Variants in SLC2A12 observed in about 807,000 individuals in gnomAD.
SLC2A12 encodes the protein solute carrier family 2, facilitated glucose transporter member 12.
Under a neutral mutation model 41.8 loss-of-function variants are expected in SLC2A12, and 23 were observed. The observed-to-expected ratio is 0.55, with a 90% CI of 0.40 to 0.78. The LOEUF (loss-of-function observed/expected upper bound fraction) is 0.78, where lower values mean the gene tolerates loss of function less well. Ranked by LOEUF, SLC2A12 falls within the 30% of genes least tolerant of loss-of-function variation. SLC2A12 has a pLI of 0.00. For missense variants in SLC2A12, 654 were observed against 745.6 expected (o/e 0.88, Z 1.43); for synonymous variants, 295 against 285.9 (o/e 1.03, Z -0.32).
chr6:134,010,236 A>C (rs946272635), intron 2 of SLC2A12, among the ~76,000 whole-genome samples: 1 of 152,124 alleles, frequency 6.6e-6, no homozygotes, highest in Admixed American at 6.5e-5. Flanking sequence ...AGATGGCCCA[A>C]TTTCTCCCCA....
At position 133,988,511 on chromosome 6, in the gene SLC2A12, C is replaced by T. The variant is rs995136781; in HGVS notation, c.*2644G>A. 1 of 152,152 alleles carries T rather than the reference C, an allele frequency of 6.6e-6. No individual in the cohort carries two copies. Among genetic ancestry groups the T allele is most frequent in the Non-Finnish European group, 1.5e-5 (1 of 68,016 alleles). 9.4% of individuals were successfully genotyped at this position (152,152 alleles called of 1,614,324 possible). On this transcript the variant is annotated 3_prime_UTR_variant, in exon 5 of 5. Transcript: ENST00000275230. ...ACCTTTGTGGAAAAATTGCAACATCCTAATCTCCATATATAGTACATTTTC... is the reference window on the plus strand; with the variant it reads ...ACCTTTGTGGAAAAATTGCAACATCTTAATCTCCATATATAGTACATTTTC...
intron 1 of SLC2A12, among the ~76,000 whole-genome samples, chr6:134,043,187 A>AGAAT (rs1354363366): frequency 6.6e-6 from 1 of 152,154 alleles, no homozygotes; most frequent in African/African-American, 2.4e-5. Flanking sequence ...CTGTCATCTA[A>AGAAT]GAATGGATTG....
In SLC2A12 at chr6:133,989,899, T is replaced by C. The variant is rs546134155; in HGVS notation, c.*1256A>G. 11 of 152,348 alleles carry C rather than the reference T, an allele frequency of 7.2e-5. No homozygotes were observed. Among genetic ancestry groups the C allele is most frequent in the Admixed American group, 4.6e-4 (7 of 15,304 alleles). The allele number at this position is 152,348 out of a possible 1,614,324, so 9.4% of individuals were successfully genotyped here. A position where few individuals can be genotyped will look rare whatever the true frequency, so the allele number is the denominator to read the frequency against. On this transcript the variant is annotated 3_prime_UTR_variant, in exon 5 of 5. Coordinates refer to ENST00000275230, the MANE Select transcript of SLC2A12 (RefSeq NM_145176.3). ...TTTTAAAATTCTTTTTCAAGTTAGG[T>C]TGTTCGTGCTTTTAAGTTTTTTGTG...
chr6:134,036,019 T>C (rs1323185472), intron 1 of SLC2A12, among the ~76,000 whole-genome samples: 1 of 152,218 alleles, frequency 6.6e-6, no homozygotes, highest in Non-Finnish European at 1.5e-5. Flanking sequence ...AATCCATTTT[T>C]CACAATATTT....
At chr6:134,000,680 G>A (rs1414061628) in intron 4 of SLC2A12, among the ~76,000 whole-genome samples, 1 of 152,100 alleles carries the variant, frequency 6.6e-6, no homozygotes, top group East Asian at 1.9e-4. Flanking sequence ...TCTTCCCCCA[G>A]GACATGGTTT....
intron 1 of SLC2A12, among the ~76,000 whole-genome samples, chr6:134,030,428 G>C (rs764347486): frequency 1.2e-4 from 19 of 152,188 alleles, no homozygotes; most frequent in Non-Finnish European, 2.5e-4. Flanking sequence ...TCTGAGTAAG[G>C]AGAAAGGGGG....
At position 134,028,687 on chromosome 6, in the gene SLC2A12, T is replaced by C; in HGVS notation, c.1138A>G (p.Asn380Asp). 2 of 1,614,176 alleles carry C rather than the reference T, an allele frequency of 1.2e-6. No individual in the cohort carries two copies. Among genetic ancestry groups the C allele is most frequent in the Non-Finnish European group, 1.7e-6 (2 of 1,180,018 alleles). ...MNFTHICRSH[N>D]SINQSLDESV... ...TCATCCAAGGACTGGTTGATAGAAT[T>C]GTGGCTTCTGCAGATATGGGTGAAG... The change falls in exon 2 of 5, where the codon AAT (asparagine) becomes GAT (aspartate). Residue 380 changes from asparagine to aspartate, a missense_variant. By Grantham distance (23) the Asn-to-Asp change is conservative (BLOSUM62 1). Around this residue, in one of 3 missense-constraint regions of SLC2A12, gnomAD observed 411 missense variants for 412.1 expected, o/e 1.00. Coordinates refer to ENST00000275230, the MANE Select transcript of SLC2A12 (RefSeq NM_145176.3).
chr6:134,018,660 T>C (rs1246891134), intron 2 of SLC2A12, among the ~76,000 whole-genome samples: 4 of 152,212 alleles, frequency 2.6e-5, no homozygotes, highest in Non-Finnish European at 5.9e-5. Context: ...AAGCATGCCC[T>C]TTCACTTACC....
rs200249148 is a variant in SLC2A12 at position 133,987,648 on chromosome 6, G to GTGTGTGTATATATATATATA, written c.*3506_*3507insTATATATATATATACACACA. 1.0e-4 allele frequency: 9 copies of GTGTGTGTATATATATATATA among 88,316 alleles called. No homozygotes were observed. The highest frequency in any genetic ancestry group is 2.6e-4 in the Non-Finnish European group (9 of 35,236). 5.5% of individuals were successfully genotyped at this position (88,316 alleles called of 1,614,324 possible). A position where few individuals can be genotyped will look rare whatever the true frequency, so the allele number is the denominator to read the frequency against. ...TTTGTGTGTGTGTGTGTGTGTGTGTGTATATATATATATATATATGCACCA... is the reference window on the plus strand; with the variant it reads ...TTTGTGTGTGTGTGTGTGTGTGTGTGTGTGTGTATATATATATATATATATATATATATATATATGCACCA... On this transcript the variant is annotated 3_prime_UTR_variant, in exon 5 of 5. Coordinates refer to ENST00000275230, the MANE Select transcript of SLC2A12 (RefSeq NM_145176.3).
chr6:134,023,617 G>A (rs891011700), intron 2 of SLC2A12, among the ~76,000 whole-genome samples: 1 of 152,206 alleles, frequency 6.6e-6, no homozygotes, highest in Admixed American at 6.5e-5. Flanking sequence ...GAGAAAACAA[G>A]CATGAAAGCC....
At chr6:134,014,899 A>G (rs2114446959) in intron 2 of SLC2A12, among the ~76,000 whole-genome samples, 2 of 152,360 alleles carry the variant, frequency 1.3e-5, no homozygotes, top group Middle Eastern at 6.8e-3. Flanking sequence ...CTCTAGTTCT[A>G]TTAGATACTG....
At chr6:134,006,958 G>A (rs766300704) in intron 2 of SLC2A12, 24 bp from the exon 3 acceptor site, 2 of 1,613,604 alleles carry the variant, frequency 1.2e-6, no homozygotes. Flanking sequence ...AAGAGTGGGT[G>A]GCGGACAGCA....
chr6:133,995,987 G>A (rs1776682359), intron 4 of SLC2A12, among the ~76,000 whole-genome samples: 1 of 152,162 alleles, frequency 6.6e-6, no homozygotes, highest in African/African-American at 2.4e-5. Context: ...TATCTTAAAT[G>A]TTACCTCTCA....
intron 2 of SLC2A12, among the ~76,000 whole-genome samples, chr6:134,024,226 G>A (rs554272630): frequency 6.6e-6 from 1 of 152,344 alleles, no homozygotes; most frequent in Admixed American, 6.5e-5. Context: ...AGACATGAGT[G>A]CTGCAGTTTC....
At chr6:134,036,136 C>T (rs933273899) in intron 1 of SLC2A12, among the ~76,000 whole-genome samples, 2 of 152,224 alleles carry the variant, frequency 1.3e-5, no homozygotes, top group African/African-American at 4.8e-5. Context: ...AATCCTACAG[C>T]CAGCTGAAAA....
chr6:134,038,299 G>C (rs1777330944), intron 1 of SLC2A12, among the ~76,000 whole-genome samples: 2 of 148,104 alleles, frequency 1.4e-5, no homozygotes, highest in South Asian at 4.3e-4. Flanking sequence ...TTTGATTTGT[G>C]GTTCACTTTT....
intron 2 of SLC2A12, among the ~76,000 whole-genome samples, chr6:134,012,004 G>A (rs556447768): frequency 1.3e-4 from 20 of 152,110 alleles, no homozygotes; most frequent in African/African-American, 4.6e-4. Context: ...ATCACACCAC[G>A]GCACTCCAAC....
intron 1 of SLC2A12, 90 bp downstream of exon 1, chr6:134,052,288 C>CAT: frequency 9.2e-7 from 1 of 1,081,898 alleles, no homozygotes; most frequent in Non-Finnish European, 1.4e-6. Flanking sequence ...CACACACACA[C>CAT]ACACACACGG....
chr6:134,050,783 T>G (rs1418292121), intron 1 of SLC2A12, among the ~76,000 whole-genome samples: 1 of 152,172 alleles, frequency 6.6e-6, no homozygotes, highest in African/African-American at 2.4e-5. Flanking sequence ...TGCAACTCTT[T>G]CCCTTTATCT....
Sources: gnomAD v4.1 joint callset for allele counts (sites outside exome capture counted in the v4.1 genomes callset) on GRCh38, gnomAD v4.1.1 for gene constraint, gnomAD v4.1.1 regional missense constraint, MANE v1.5 for transcripts, NCBI Gene and HGNC (gene_info 2026-07-23, HGNC 2026-07-21) for gene names.